NCKAP5: variants seen among roughly 807,000 people sequenced by gnomAD.
NCKAP5 encodes nck-associated protein 5.
In NCKAP5, 92 loss-of-function variants were observed where a neutral mutation model predicts 167.0. That is an observed-to-expected ratio of 0.55 (90% confidence interval 0.47 to 0.66). NCKAP5 has a LOEUF of 0.66. NCKAP5 is among the 30% of genes least tolerant of loss of function. The probability of loss-of-function intolerance (pLI) is 0.00; values close to 1 mark genes in which losing one functional copy is unlikely to be tolerated. For synonymous variants in NCKAP5, 891 were observed against 877.4 expected (o/e 1.02, Z -0.27); for missense variants, 2,378 against 2,315.0 (o/e 1.03, Z -0.56).
Position 132,673,063 on chromosome 2 carries a change from G to T in NCKAP5, c.*226C>A. 8.8e-7 allele frequency: 1 copy of T among 1,130,972 alleles called. No homozygotes were observed. Among genetic ancestry groups the T allele is most frequent in the East Asian group, 4.4e-5 (1 of 22,704 alleles). The allele number at this position is 1,130,972 out of a possible 1,614,324, so 70.1% of individuals were successfully genotyped here. A position where few individuals can be genotyped will look rare whatever the true frequency, so the allele number is the denominator to read the frequency against. On this transcript the variant is annotated 3_prime_UTR_variant, in exon 20 of 20. Transcript: ENST00000409261. ...AACCTTGACTGGCACAGGAAGAGAA[G>T]CTATCATATAAAGAATCACTCAAAG... is the stretch of plus-strand genomic sequence containing the variant.
At chr2:133,637,453 G>A in the NCKAP5 span, among the ~76,000 whole-genome samples, 1 of 52,486 alleles carries the variant, frequency 1.9e-5, no homozygotes, top group Non-Finnish European at 3.4e-5. Context: ...AGACTCTCCA[G>A]AACTTCATAT....
At chr2:133,428,025 G>T (rs1689922077) in intron 3 of NCKAP5, among the ~76,000 whole-genome samples, 1 of 152,032 alleles carries the variant, frequency 6.6e-6, no homozygotes, top group Non-Finnish European at 1.5e-5. Flanking sequence ...AGTGATGATT[G>T]TTCCCAAAGT....
intron 3 of NCKAP5, among the ~76,000 whole-genome samples, chr2:133,345,635 G>A (rs1019879582): frequency 5.3e-5 from 8 of 152,180 alleles, no homozygotes; most frequent in African/African-American, 1.9e-4. Flanking sequence ...GACAGGAAAG[G>A]TGGTGATGGA....
At chr2:133,479,944 T>C (rs1374559480) in intron 3 of NCKAP5, among the ~76,000 whole-genome samples, 1 of 150,984 alleles carries the variant, frequency 6.6e-6, no homozygotes, top group East Asian at 1.9e-4. Flanking sequence ...TTTTTTTTTT[T>C]TTTTTGAGAC....
In NCKAP5 at chr2:132,952,224, T is replaced by C. The variant is rs554581095; in HGVS notation, c.579+11496A>G. On this transcript the variant is annotated intron_variant, in intron 8 of 19. Transcript: ENST00000409261. ...CATTTAATGTTGCCCCTATAGTTCA[T>C]TTTTCTTCTTTGATAGCTCTTAGAA... is the stretch of plus-strand genomic sequence containing the variant. 5.3e-4 allele frequency among the ~76,000 whole-genome samples: 80 copies of C among 152,330 alleles called. 1 individual carries two copies. In the South Asian group the frequency reaches 0.016, roughly 31 times the overall value.
intron 6 of NCKAP5, among the ~76,000 whole-genome samples, chr2:133,021,943 C>T (rs1301304353): frequency 2.0e-5 from 3 of 152,136 alleles, no homozygotes; most frequent in Non-Finnish European, 4.4e-5. Context: ...AACTCTAGTT[C>T]TTAAGCAAGG....
At chr2:132,707,889 G>A (rs1354906544) in intron 19 of NCKAP5, among the ~76,000 whole-genome samples, 1 of 152,016 alleles carries the variant, frequency 6.6e-6, no homozygotes, top group East Asian at 1.9e-4. Flanking sequence ...AGCAGGCAGA[G>A]TCCTAAGGCC....
intron 8 of NCKAP5, among the ~76,000 whole-genome samples, chr2:132,960,131 A>G (rs1558991471): frequency 6.6e-6 from 1 of 152,168 alleles, no homozygotes. Flanking sequence ...CAGGCTAAAA[A>G]GAGAAAGAGA....
chr2:132,939,093 TA>T (rs2149091568), intron 8 of NCKAP5, among the ~76,000 whole-genome samples: 1 of 152,358 alleles, frequency 6.6e-6, no homozygotes, highest in East Asian at 1.9e-4. Context: ...AATAATTTTT[TA>T]CTGGCTTCCT....
At chr2:132,699,257 G>T (rs768622247) in intron 19 of NCKAP5, among the ~76,000 whole-genome samples, 8 of 152,158 alleles carry the variant, frequency 5.3e-5, no homozygotes, top group Non-Finnish European at 1.0e-4. Flanking sequence ...GTCCCACATA[G>T]CATGTTGCCT....
intron 7 of NCKAP5, among the ~76,000 whole-genome samples, chr2:132,988,631 G>C (rs1222264739): frequency 6.6e-6 from 1 of 152,196 alleles, no homozygotes; most frequent in Admixed American, 6.5e-5. Context: ...GGCAGACAGA[G>C]GCTCTCCAGC....
chr2:132,951,616 GA>G (rs2076190406), intron 8 of NCKAP5, among the ~76,000 whole-genome samples: 1 of 152,196 alleles, frequency 6.6e-6, no homozygotes, highest in Admixed American at 6.5e-5. Flanking sequence ...GTTGCTATCA[GA>G]AATCAGACTA....
At chr2:133,146,556 T>C (rs781154415) in intron 5 of NCKAP5, among the ~76,000 whole-genome samples, 3 of 152,092 alleles carry the variant, frequency 2.0e-5, no homozygotes, top group Admixed American at 6.6e-5. Context: ...AAATTATTTG[T>C]TCATCACATG....
chr2:133,068,799 A>G (rs2080286723), intron 6 of NCKAP5, among the ~76,000 whole-genome samples: 2 of 152,200 alleles, frequency 1.3e-5, no homozygotes, highest in South Asian at 4.1e-4. Flanking sequence ...AACTTCTTGC[A>G]TTGTTAAATA....
chr2:132,785,314 A>G lies in NCKAP5; in HGVS notation c.1497T>C (p.His499=). 1.2e-6 allele frequency: 2 copies of G among 1,611,532 alleles called. No individual in the cohort carries two copies. The highest frequency in any genetic ancestry group is 1.7e-6 in the Non-Finnish European group (2 of 1,178,520). The change falls in exon 14 of 20, where the codon CAT becomes CAC. Residue 499 remains histidine, a synonymous_variant. Transcript: ENST00000409261. ...QAVPNQSCRP[H]GSKLTHSVSD... ...AAACACTGTGGGTTAATTTACTGCC[A>G]TGTGGCCTGCAGCTCTGGTTTGGAA...
chr2:133,548,998 G>A (rs1014214410), intron 2 of NCKAP5, among the ~76,000 whole-genome samples: 16 of 137,462 alleles, frequency 1.2e-4, no homozygotes, highest in Non-Finnish European at 2.4e-4. Context: ...CACATGCAGA[G>A]ACACACATAG....
intron 3 of NCKAP5, among the ~76,000 whole-genome samples, chr2:133,373,689 C>G (rs1337107747): frequency 6.6e-6 from 1 of 152,162 alleles, no homozygotes. Context: ...AAATCAGGAC[C>G]TTGTGGTACT....
Position 133,101,621 on chromosome 2 carries a change from C to G in NCKAP5, c.341+28357G>C, listed in dbSNP as rs147790726. 5.9e-3 allele frequency among the ~76,000 whole-genome samples: 903 copies of G among 152,074 alleles called. 7 individuals carry two copies. The highest frequency in any genetic ancestry group is 0.014 in the Middle Eastern group (4 of 294). On this transcript the variant is annotated intron_variant, in intron 6 of 19. Transcript: ENST00000409261. The stretch of plus-strand genomic sequence containing the variant: ...TTCTCCTTGAAGAGGTCCTTCACAT[C>G]CCTTGTAAGTTGGAATGTTATAAAG...
chr2:132,742,110 T>C (rs1679251785), intron 16 of NCKAP5, among the ~76,000 whole-genome samples: 1 of 152,062 alleles, frequency 6.6e-6, no homozygotes, highest in African/African-American at 2.4e-5. Context: ...ATAGGTTCAC[T>C]CCATCTCTAG....
Sources: allele counts gnomAD v4.1 joint callset (sites outside exome capture counted in the v4.1 genomes callset), GRCh38; gene constraint gnomAD v4.1.1; transcripts MANE v1.5; gene names NCBI Gene and HGNC (gene_info 2026-07-23, HGNC 2026-07-21).